GFPT1: variants seen among roughly 807,000 people sequenced by gnomAD.
GFPT1 encodes glutamine--fructose-6-phosphate transaminase 1.
GFPT1 carries 40 observed loss-of-function variants against 92.0 expected under a neutral mutation model. The ratio of observed to expected loss-of-function variants is 0.43; its 90% CI spans 0.34 to 0.57. The LOEUF is 0.57. GFPT1 is among the 20% of genes least tolerant of loss of function. GFPT1 has a pLI of 0.02. For missense variants in GFPT1, 448 were observed against 869.1 expected (o/e 0.52, Z 6.09); for synonymous variants, 269 against 280.6 (o/e 0.96, Z 0.41).
intron 3 of GFPT1, among the ~76,000 whole-genome samples, chr2:69,369,099 G>C (rs1032705123): frequency 6.6e-6 from 1 of 152,192 alleles, no homozygotes; most frequent in African/African-American, 2.4e-5. Flanking sequence ...AGAACACATA[G>C]TAGATATTTA....
At chr2:69,385,052 C>T (rs1056213347) in intron 1 of GFPT1, among the ~76,000 whole-genome samples, 2 of 152,150 alleles carry the variant, frequency 1.3e-5, no homozygotes, top group Non-Finnish European at 2.9e-5. Flanking sequence ...AAAAGCAGGA[C>T]CTCAGAAATG....
At position 69,329,410 on chromosome 2, in the gene GFPT1, C is replaced by T; in HGVS notation, c.1612G>A (p.Val538Ile). 6.2e-7 allele frequency: 1 copy of T among 1,607,326 alleles called. No individual in the cohort carries two copies. Residue 538 changes from valine (V) to isoleucine (I), a missense_variant, in exon 17 of 20, where the codon GTA becomes ATA. By Grantham distance (29) the Val-to-Ile change is conservative (BLOSUM62 3). This residue lies in a region of GFPT1 where 73 missense variants were observed against 103.5 expected (regional missense o/e 0.71). Transcript: ENST00000357308. ...TGAATTTCGTCATCCATGCTCAGTA[C>T]TTCCTTAATCAAATCTAAGAAGTAA... ...LKRLPDLIKEVLSMDDEIQKL... is the reference protein window; with the variant it reads ...LKRLPDLIKEILSMDDEIQKL...
At chr2:69,378,165 C>T (rs1043585434) in intron 1 of GFPT1, among the ~76,000 whole-genome samples, 4 of 152,182 alleles carry the variant, frequency 2.6e-5, no homozygotes, top group African/African-American at 7.2e-5. Flanking sequence ...CCGCCATGCC[C>T]GGCTAATTTT....
At chr2:69,344,034 T>TA (rs1671020408) in intron 12 of GFPT1, among the ~76,000 whole-genome samples, 1 of 152,136 alleles carries the variant, frequency 6.6e-6, no homozygotes, top group Non-Finnish European at 1.5e-5. Flanking sequence ...TTCTTGCTGT[T>TA]ACTGCACTAG....
At chr2:69,383,570 C>A (rs1263357244) in intron 1 of GFPT1, among the ~76,000 whole-genome samples, 4 of 152,010 alleles carry the variant, frequency 2.6e-5, no homozygotes, top group Admixed American at 6.5e-5. Context: ...TCCTTTACTG[C>A]TTTTAAAAAG....
chr2:69,331,940 A>G (rs942633503), intron 15 of GFPT1, among the ~76,000 whole-genome samples: 16 of 152,164 alleles, frequency 1.1e-4, no homozygotes, highest in Non-Finnish European at 4.4e-5. Context: ...GACCTTTTAT[A>G]TTGGTGCTGA....
At chr2:69,371,450 A>G (rs1671746315) in intron 2 of GFPT1, 1 of 152,122 alleles carries the variant, frequency 6.6e-6, no homozygotes, top group Admixed American at 6.6e-5. Flanking sequence ...TAGGAGGCCT[A>G]GAATACAGCT....
chr2:69,355,737 ATC>A (rs954087821), intron 7 of GFPT1, among the ~76,000 whole-genome samples: 3 of 152,332 alleles, frequency 2.0e-5, no homozygotes, highest in Non-Finnish European at 4.4e-5. Flanking sequence ...GATTAAAAAT[ATC>A]TCTCTTACCA....
At chr2:69,339,222 C>T (rs1670876335) in intron 13 of GFPT1, among the ~76,000 whole-genome samples, 1 of 152,140 alleles carries the variant, frequency 6.6e-6, no homozygotes, top group Admixed American at 6.5e-5. Flanking sequence ...ATGTAATACC[C>T]ATGTTAGGGA....
intron 3 of GFPT1, among the ~76,000 whole-genome samples, chr2:69,365,876 A>G (rs1671598842): frequency 6.6e-6 from 1 of 151,958 alleles, no homozygotes; most frequent in Admixed American, 6.6e-5. Context: ...ACAATGGCGC[A>G]ATCTTGGCTC....
chr2:69,382,285 G>A (rs1672031112), intron 1 of GFPT1, among the ~76,000 whole-genome samples: 1 of 152,114 alleles, frequency 6.6e-6, no homozygotes, highest in Non-Finnish European at 1.5e-5. Context: ...CAATGATCTA[G>A]AACAATCTTT....
rs115543512 is a variant in GFPT1 at position 69,373,434 on chromosome 2, T to C, written c.115+572A>G. Among the ~76,000 whole-genome samples, 443 of 152,156 alleles carry C rather than the reference T, an allele frequency of 2.9e-3. 6 individuals are homozygous for C. The highest frequency in any genetic ancestry group is 0.01 in the African/African-American group (422 of 41,524). On this transcript the variant is annotated intron_variant, in intron 2 of 19. Coordinates refer to ENST00000357308, the MANE Select transcript of GFPT1 (RefSeq NM_001244710.2). The stretch of plus-strand genomic sequence containing the variant: ...GAGTTTGAGACCAGCCCAGGCAACA[T>C]AGTGAGACTCTCGTGTCTACAAAAA...
At chr2:69,355,796 T>C (rs1470147125) in intron 7 of GFPT1, among the ~76,000 whole-genome samples, 1 of 152,150 alleles carries the variant, frequency 6.6e-6, no homozygotes, top group Admixed American at 6.5e-5. Context: ...CAGGCCTAAA[T>C]ATCCTAGCAA....
chr2:69,328,813 G>A (rs1259967013), intron 17 of GFPT1, among the ~76,000 whole-genome samples: 4 of 148,666 alleles, frequency 2.7e-5, no homozygotes, highest in African/African-American at 5.0e-5. Flanking sequence ...TGATCTTCCC[G>A]CCTTAGCCTC....
chr2:69,367,424 G>A (rs548602480), intron 3 of GFPT1, among the ~76,000 whole-genome samples: 10 of 152,132 alleles, frequency 6.6e-5, no homozygotes, highest in East Asian at 1.9e-4. Context: ...GCAGTGGCAC[G>A]ATCTCAGCTC....
At chr2:69,382,130 C>G (rs1332654946) in intron 1 of GFPT1, among the ~76,000 whole-genome samples, 1 of 152,146 alleles carries the variant, frequency 6.6e-6, no homozygotes, top group Non-Finnish European at 1.5e-5. Flanking sequence ...TCCCAAAATG[C>G]TGGTATTACC....
intron 4 of GFPT1, among the ~76,000 whole-genome samples, chr2:69,360,442 AT>A (rs199904047): frequency 8.4e-4 from 121 of 144,216 alleles, no homozygotes; most frequent in Middle Eastern, 3.6e-3. Flanking sequence ...TTATCAAAAT[AT>A]TTTTTTTTTT....
At chr2:69,380,468 G>A (rs1671982689) in intron 1 of GFPT1, among the ~76,000 whole-genome samples, 1 of 152,160 alleles carries the variant, frequency 6.6e-6, no homozygotes, top group Admixed American at 6.5e-5. Flanking sequence ...CTACTTTACT[G>A]TAACTATTGC....
intron 3 of GFPT1, among the ~76,000 whole-genome samples, chr2:69,364,677 T>C (rs1371336033): frequency 5.3e-5 from 8 of 152,226 alleles, no homozygotes; most frequent in African/African-American, 1.7e-4. Flanking sequence ...GAAATCGGCA[T>C]AGGCCAATGT....
Sources: allele counts gnomAD v4.1 joint callset (sites outside exome capture counted in the v4.1 genomes callset), GRCh38; gene constraint gnomAD v4.1.1; regional missense constraint gnomAD v4.1.1; transcripts MANE v1.5; gene names NCBI Gene and HGNC (gene_info 2026-07-23, HGNC 2026-07-21).